SVIL: variants seen among roughly 807,000 people sequenced by gnomAD.
The protein encoded by SVIL is archvillin.
Under a neutral mutation model 240.4 loss-of-function variants are expected in SVIL, and 101 were observed. That is an observed-to-expected ratio of 0.42 (90% CI 0.36 to 0.50). The LOEUF (loss-of-function observed/expected upper bound fraction) is 0.50, where lower values mean the gene tolerates loss of function less well. Among genes scored for constraint, SVIL ranks in the 20% least tolerant of loss-of-function variants. The pLI is 0.01. For synonymous variants in SVIL, 999 were observed against 1,100.0 expected (o/e 0.91, Z 1.82); for missense variants, 2,512 against 2,818.7 (o/e 0.89, Z 2.46).
intron 1 of SVIL, among the ~76,000 whole-genome samples, chr10:29,612,320 T>A (rs1277888280): frequency 6.6e-6 from 1 of 152,240 alleles, no homozygotes; most frequent in Non-Finnish European, 1.5e-5. Context: ...TAGAGTTCCC[T>A]GCTCTCTGTT....
chr10:29,556,046 T>A (rs758645327), intron 3 of SVIL, among the ~76,000 whole-genome samples: 7 of 152,222 alleles, frequency 4.6e-5, no homozygotes, highest in Non-Finnish European at 1.0e-4. Flanking sequence ...ATTACCCCAA[T>A]GTTTCTGGCA....
At chr10:29,474,618 TAAATAAATAAATAAA>T (rs1209869722) in intron 29 of SVIL, among the ~76,000 whole-genome samples, 2 of 150,102 alleles carry the variant, frequency 1.3e-5, no homozygotes, top group Non-Finnish European at 3.0e-5. Context: ...AATAAATAAA[TAAATAAATAAATAAA>T]TAAATAAATA....
At chr10:29,464,060 G>C (rs148458851) in intron 34 of SVIL, among the ~76,000 whole-genome samples, 31 of 152,326 alleles carry the variant, frequency 2.0e-4, no homozygotes, top group African/African-American at 7.5e-4. Flanking sequence ...ACTGCAGACA[G>C]GTCAGTGGCG....
At chr10:29,588,676 G>A (rs1223864913) in intron 1 of SVIL, among the ~76,000 whole-genome samples, 2 of 152,188 alleles carry the variant, frequency 1.3e-5, no homozygotes, top group Non-Finnish European at 2.9e-5. Flanking sequence ...TATGCCAAAC[G>A]GAAAGTGAAG....
chr10:29,672,528 T>A (rs545351461), intron 2 of SVIL, among the ~76,000 whole-genome samples: 1 of 152,302 alleles, frequency 6.6e-6, no homozygotes, highest in African/African-American at 2.4e-5. Context: ...CTTTGCAAAG[T>A]TACTTAACTA....
At chr10:29,537,245 T>G (rs958590402) in intron 6 of SVIL, among the ~76,000 whole-genome samples, 2 of 152,240 alleles carry the variant, frequency 1.3e-5, no homozygotes, top group Non-Finnish European at 2.9e-5. Flanking sequence ...AGGTCCATTC[T>G]GCTGATATTT....
At chr10:29,714,197 A>T (rs932901240) in intron 1 of SVIL, among the ~76,000 whole-genome samples, 16 of 152,226 alleles carry the variant, frequency 1.1e-4, no homozygotes, top group Admixed American at 1.0e-3. Flanking sequence ...TCAGAGGGCC[A>T]TTCCTTCATT....
intron 2 of SVIL, among the ~76,000 whole-genome samples, chr10:29,675,170 A>G (rs1211888210): frequency 6.6e-6 from 1 of 152,056 alleles, no homozygotes; most frequent in Non-Finnish European, 1.5e-5. Context: ...CACATGCATG[A>G]CCCCAGTATG....
At chr10:29,566,411 T>G (rs781351617) in intron 2 of SVIL, among the ~76,000 whole-genome samples, 10 of 152,092 alleles carry the variant, frequency 6.6e-5, no homozygotes, top group South Asian at 4.2e-4. Flanking sequence ...TTCTGAGAAA[T>G]CAGATGAGCA....
In SVIL at chr10:29,471,173, G is replaced by A. The variant is rs760356248; in HGVS notation, c.5600C>T (p.Ser1867Leu). 8 of 1,613,726 alleles carry A rather than the reference G, an allele frequency of 5.0e-6. No homozygotes were observed. Among genetic ancestry groups the A allele is most frequent in the South Asian group, 1.1e-5 (1 of 91,040 alleles). ...TTCTTCTTCCTCTTCCCGCCTCCCC[G>A]AGTGCACCACCATCCCCCCCTGGAA... ...QCFQGGMVVH[S>L]GRREEEEENV... Residue 1867 changes from serine (S) to leucine (L), a missense_variant, in exon 31 of 38, where the codon TCG becomes TTG. Physicochemically the swap from Ser to Leu is moderately radical, Grantham distance 145. Transcript: ENST00000355867.
intron 1 of SVIL, among the ~76,000 whole-genome samples, chr10:29,630,857 C>T (rs1239373117): frequency 1.3e-5 from 2 of 152,070 alleles, no homozygotes; most frequent in African/African-American, 4.8e-5. Flanking sequence ...ATATGAAGAA[C>T]CCACAAGTCG....
chr10:29,467,957 A>G, intron 32 of SVIL, 82 bp from the exon 33 acceptor site: 1 of 1,413,192 alleles, frequency 7.1e-7, no homozygotes, highest in Non-Finnish European at 9.8e-7. Context: ...TTATGATAAC[A>G]GCTTTATAAT....
chr10:29,518,706 AT>A (rs1334967443), intron 16 of SVIL, among the ~76,000 whole-genome samples: 1 of 152,120 alleles, frequency 6.6e-6, no homozygotes, highest in Non-Finnish European at 1.5e-5. Flanking sequence ...AAATGCAAAA[AT>A]TAGCTGGTTA....
In SVIL at chr10:29,503,047, T is replaced by G. The variant is rs535337556; in HGVS notation, c.3517-3784A>C. Among the ~76,000 whole-genome samples, 38 of 152,326 alleles carry G rather than the reference T, an allele frequency of 2.5e-4. 1 individual carries two copies. In the South Asian group the frequency reaches 7.5e-3, roughly 30 times the overall value. On this transcript the variant is annotated intron_variant, in intron 17 of 37. Transcript: ENST00000355867. ...GGCTTTTAAAATTTTTTTTATCTTA[T>G]TCACATGTAGTTAAACTGTAAAGGA...
At chr10:29,518,741 A>G (rs1950376035) in intron 16 of SVIL, among the ~76,000 whole-genome samples, 1 of 152,178 alleles carries the variant, frequency 6.6e-6, no homozygotes. Context: ...CTGTGATCCC[A>G]GCTACTCAGG....
At chr10:29,726,150 G>A (rs1248518356) in intron 1 of SVIL, among the ~76,000 whole-genome samples, 1 of 152,122 alleles carries the variant, frequency 6.6e-6, no homozygotes, top group East Asian at 2.0e-4. Context: ...TCAAACTCCT[G>A]AGCTCAAGTG....
At chr10:29,567,498 A>C (rs1348313634) in intron 2 of SVIL, among the ~76,000 whole-genome samples, 2 of 152,174 alleles carry the variant, frequency 1.3e-5, no homozygotes, top group Non-Finnish European at 2.9e-5. Context: ...CCCATTTCAC[A>C]CTTAGCACCA....
intron 1 of SVIL, among the ~76,000 whole-genome samples, chr10:29,623,502 G>T (rs1957743279): frequency 6.6e-6 from 1 of 152,238 alleles, no homozygotes; most frequent in Non-Finnish European, 1.5e-5. Flanking sequence ...AGGCTCAGCT[G>T]GGTGTTATCT....
intron 2 of SVIL, among the ~76,000 whole-genome samples, chr10:29,564,156 A>C (rs1954762517): frequency 6.6e-6 from 1 of 152,098 alleles, no homozygotes; most frequent in Non-Finnish European, 1.5e-5. Context: ...AGGCTCCCAC[A>C]GGACTCACTG....
Sources: allele counts gnomAD v4.1 joint callset (sites outside exome capture counted in the v4.1 genomes callset), GRCh38; gene constraint gnomAD v4.1.1; transcripts MANE v1.5; gene names NCBI Gene and HGNC (gene_info 2026-07-23, HGNC 2026-07-21).